Variants in ADGRL4 observed in about 807,000 individuals in gnomAD.
ADGRL4 encodes EGF, latrophilin and seven transmembrane domain containing 1.
A neutral mutation model predicts 74.8 loss-of-function variants in ADGRL4; 90 were observed. The observed-to-expected ratio is 1.20, with a 90% CI of 1.02 to 1.43. ADGRL4 has a LOEUF of 1.43. ADGRL4 is among the 40% of genes most tolerant of loss of function. ADGRL4 has a pLI of 0.00. For synonymous variants in ADGRL4, 311 were observed against 279.2 expected (o/e 1.11, Z -1.14); for missense variants, 881 against 814.3 (o/e 1.08, Z -1.00).
At chr1:78,952,558 AG>A (rs1649752521) in intron 2 of ADGRL4, among the ~76,000 whole-genome samples, 1 of 151,730 alleles carries the variant, frequency 6.6e-6, no homozygotes, top group Non-Finnish European at 1.5e-5. Context: ...CAGAAAGGAA[AG>A]AAAAAAAAAG....
At chr1:78,989,648 C>G (rs1254029302) in intron 2 of ADGRL4, among the ~76,000 whole-genome samples, 1 of 151,698 alleles carries the variant, frequency 6.6e-6, no homozygotes, top group African/African-American at 2.4e-5. Context: ...CTATGTAACC[C>G]TAGCATCAGA....
intron 12 of ADGRL4, among the ~76,000 whole-genome samples, chr1:78,913,988 T>C (rs1648816916): frequency 6.6e-6 from 1 of 151,824 alleles, no homozygotes; most frequent in African/African-American, 2.4e-5. Context: ...TTTAAAAAGA[T>C]GATTCTTGAA....
At chr1:78,920,689 T>G (rs1648979272) in intron 9 of ADGRL4, among the ~76,000 whole-genome samples, 1 of 151,864 alleles carries the variant, frequency 6.6e-6, no homozygotes, top group African/African-American at 2.4e-5. Flanking sequence ...TTTCACTACA[T>G]TAGAAAGGCA....
Position 78,938,141 on chromosome 1 carries a change from T to C in ADGRL4, c.535A>G (p.Thr179Ala). 6.2e-7 allele frequency: 1 copy of C among 1,613,196 alleles called. No individual in the cohort carries two copies. The highest frequency in any genetic ancestry group is 8.5e-7 in the Non-Finnish European group (1 of 1,179,670). Reference sequence around the variant, plus strand: ...GAAAGGGTGTCCTTGGCTGAGATAGTGTTGTTCTTGTAACCTAGTAATGAA... The same window carrying C: ...GAAAGGGTGTCCTTGGCTGAGATAGCGTTGTTCTTGTAACCTAGTAATGAA... ...SSSLLGYKNN[T>A]ISAKDTLSNS... The change falls in exon 5 of 15, where the codon ACT becomes GCT. Residue 179 changes from threonine (T) to alanine (A), a missense_variant. Thr to Ala is a moderately conservative substitution (Grantham distance 58). Coordinates refer to ENST00000370742, the MANE Select transcript of ADGRL4 (RefSeq NM_022159.4).
In ADGRL4 at chr1:78,938,002, A is replaced by G; in HGVS notation, c.577-12T>C. ...GTTTTTACAAATTCCTATTGAAAAA[A>G]AGTATGTCTTTTAGAAATGTTGGAA... On this transcript the variant is annotated splice_polypyrimidine_tract_variant and intron_variant, in intron 5 of 14. Transcript: ENST00000370742. The G allele has an allele frequency of 1.2e-6, 2 of 1,608,038 alleles. No homozygotes were observed. The highest frequency in any genetic ancestry group is 1.7e-4 in the Middle Eastern group (1 of 6,024).
At chr1:78,998,438 C>T (rs1490229313) in intron 2 of ADGRL4, among the ~76,000 whole-genome samples, 3 of 137,364 alleles carry the variant, frequency 2.2e-5, no homozygotes, top group Middle Eastern at 4.5e-3. Context: ...GGCACGATCT[C>T]GGCTCACTGC....
chr1:78,978,946 C>A (rs930331737), intron 2 of ADGRL4, among the ~76,000 whole-genome samples: 1 of 151,776 alleles, frequency 6.6e-6, no homozygotes, highest in Admixed American at 6.6e-5. Flanking sequence ...TATTTTTGGA[C>A]TGTGAATATT....
chr1:78,948,553 AAAGT>A (rs1477464711), intron 2 of ADGRL4, among the ~76,000 whole-genome samples: 1 of 152,158 alleles, frequency 6.6e-6, no homozygotes, highest in African/African-American at 2.4e-5. Flanking sequence ...ATATGACAAT[AAAGT>A]AAGATAAGTT....
intron 12 of ADGRL4, among the ~76,000 whole-genome samples, chr1:78,911,414 T>A (rs898158238): frequency 6.6e-6 from 1 of 151,844 alleles, no homozygotes; most frequent in Non-Finnish European, 1.5e-5. Context: ...GGAAAATAAA[T>A]ATTATTTATT....
rs1648229921 is a variant in ADGRL4, at chr1:78,889,904, G to A, written c.*1250C>T. ...GCAAAGAAAAATTACCTATTTTTGA[G>A]ATCAAAATCACTGCTTATACATTTT... On this transcript the variant is annotated 3_prime_UTR_variant, in exon 15 of 15. Coordinates refer to ENST00000370742, the MANE Select transcript of ADGRL4 (RefSeq NM_022159.4). 2.3e-6 allele frequency: 1 copy of A among 442,726 alleles called. No homozygotes were observed. Among genetic ancestry groups the A allele is most frequent in the African/African-American group, 2.1e-5 (1 of 48,704 alleles). The allele number at this position is 442,726 out of a possible 1,614,324, so 27.4% of individuals were successfully genotyped here. A position where few individuals can be genotyped will look rare whatever the true frequency, so the allele number is the denominator to read the frequency against.
intron 2 of ADGRL4, among the ~76,000 whole-genome samples, chr1:78,994,010 A>C (rs1030425524): frequency 1.3e-5 from 2 of 152,226 alleles, no homozygotes; most frequent in African/African-American, 4.8e-5. Flanking sequence ...TGCCTCAAAA[A>C]CAGACCATTA....
chr1:78,934,207 G>A (rs1350713836), intron 7 of ADGRL4, among the ~76,000 whole-genome samples: 2 of 151,442 alleles, frequency 1.3e-5, no homozygotes, highest in East Asian at 1.9e-4. Context: ...AAACAGCATG[G>A]TACTAGTACC....
At chr1:78,906,268 C>G (rs1471977818) in intron 12 of ADGRL4, among the ~76,000 whole-genome samples, 1 of 151,936 alleles carries the variant, frequency 6.6e-6, no homozygotes, top group African/African-American at 2.4e-5. Flanking sequence ...AAAATCCCAT[C>G]CTAATACATA....
intron 12 of ADGRL4, among the ~76,000 whole-genome samples, chr1:78,912,514 A>G (rs1489401): frequency 0.13 from 19,841 of 151,810 alleles, 1,543 homozygotes; most frequent in East Asian, 0.25. Context: ...CAAGGGATCT[A>G]AGCTACATGC....
rs746338806 is a variant in ADGRL4 at position 78,920,197 on chromosome 1, T to C, written c.1447A>G (p.Thr483Ala). Residue 483 changes from threonine (T) to alanine (A), a missense_variant, in exon 10 of 15, where the codon ACA (threonine) becomes GCA (alanine). Transcript: ENST00000370742. ...AELVFLVGIN[T>A]NTNKLFCSII... ...TGCCTACATACCTTATTAGTATTTG[T>C]ATTGATCCCAACAAGAAAAACAAGT... The C allele has an allele frequency of 2.5e-6, 4 of 1,610,874 alleles. No individual in the cohort carries two copies. Among genetic ancestry groups the C allele is most frequent in the Non-Finnish European group, 3.4e-6 (4 of 1,178,386 alleles).
Position 78,890,803 on chromosome 1 carries a change from A to C in ADGRL4, c.*351T>G, listed in dbSNP as rs1000665353. 4.8e-6 allele frequency: 1 copy of C among 206,758 alleles called. No individual in the cohort carries two copies. The highest frequency in any genetic ancestry group is 9.7e-6 in the Non-Finnish European group (1 of 102,620). The allele number at this position is 206,758 out of a possible 1,614,324, so 12.8% of individuals were successfully genotyped here. On this transcript the variant is annotated 3_prime_UTR_variant, in exon 15 of 15. Transcript: ENST00000370742. The stretch of plus-strand genomic sequence containing the variant: ...TTCAAAGGCAACACGAGTCACAGAA[A>C]TATCAAGCCAGTGGTTTCCTTCAGG...
chr1:78,986,449 GAA>G (rs1462005553), intron 2 of ADGRL4, among the ~76,000 whole-genome samples: 1 of 150,596 alleles, frequency 6.6e-6, no homozygotes, highest in African/African-American at 2.4e-5. Context: ...AATACAATAA[GAA>G]AAAAGAAAAA....
At chr1:78,942,131 A>G (rs12405579) in intron 3 of ADGRL4, among the ~76,000 whole-genome samples, 13,353 of 132,546 alleles carry the variant, frequency 0.1, 800 homozygotes, top group East Asian at 0.37. Flanking sequence ...ACCTGGGAGC[A>G]CCACTGCACT....
At chr1:78,942,030 T>G (rs1215082372) in intron 3 of ADGRL4, among the ~76,000 whole-genome samples, 1 of 151,798 alleles carries the variant, frequency 6.6e-6, no homozygotes, top group Non-Finnish European at 1.5e-5. Context: ...ACACCCCGTC[T>G]CTACTAAAAA....
Sources: gnomAD v4.1 joint callset for allele counts (sites outside exome capture counted in the v4.1 genomes callset) on GRCh38, gnomAD v4.1.1 for gene constraint, MANE v1.5 for transcripts, NCBI Gene and HGNC (gene_info 2026-07-23, HGNC 2026-07-21) for gene names.